Variants in HM13 observed in about 807,000 individuals in gnomAD.
HM13 encodes the protein signal peptide peptidase.
In HM13, 18 loss-of-function variants were observed where a neutral mutation model predicts 50.0. That is an observed-to-expected ratio of 0.36 (90% confidence interval 0.25 to 0.53). The LOEUF is 0.53. HM13 is among the 20% of genes least tolerant of loss of function. The pLI is 0.90. For synonymous variants in HM13, 197 were observed against 232.6 expected, an observed-to-expected ratio of 0.85 and a Z score of 1.39; for missense variants, 393 against 552.4, an observed-to-expected ratio of 0.71 and a Z score of 2.89.
At chr20:31,545,059 G>A (rs1983635564) in intron 4 of HM13, 24 bp downstream of exon 4, 2 of 1,577,234 alleles carry the variant, frequency 1.3e-6, no homozygotes, top group Non-Finnish European at 1.7e-6. Context: ...ACTTTCCCCT[G>A]TAGTGTGCCT....
chr20:31,518,043 T>C (rs1321153097), intron 1 of HM13, among the ~76,000 whole-genome samples: 1 of 151,856 alleles, frequency 6.6e-6, no homozygotes, highest in East Asian at 1.9e-4. Context: ...CTTGATTTTT[T>C]TTTTTTTTTG....
At chr20:31,534,824 G>T (rs551302991) in intron 2 of HM13, among the ~76,000 whole-genome samples, 2 of 152,088 alleles carry the variant, frequency 1.3e-5, no homozygotes, top group African/African-American at 4.8e-5. Context: ...AGTGGCTCAC[G>T]CCTGTAATCC....
intron 10 of HM13, 169 bp from the exon 11 acceptor site, chr20:31,566,041 C>T (rs1290940460): frequency 2.4e-5 from 12 of 507,094 alleles, no homozygotes; most frequent in Non-Finnish European, 4.2e-5. Context: ...GAGGAGCAAC[C>T]CTTGTCTGGG....
intron 12 of HM13, 52 bp downstream of exon 12, chr20:31,568,276 C>A: frequency 6.3e-7 from 1 of 1,595,498 alleles, no homozygotes; most frequent in South Asian, 1.1e-5. Context: ...GCCCCGGGGC[C>A]CAAGGTAGGG....
intron 4 of HM13, chr20:31,547,649 C>G (rs965303659): frequency 1.3e-6 from 2 of 1,567,520 alleles, no homozygotes; most frequent in South Asian, 2.4e-5. Context: ...AAGAAAGATC[C>G]TGTCAAAATA....
Position 31,514,776 on chromosome 20 carries a change from C to T in HM13, c.183+42C>T, listed in dbSNP as rs1177875965. 2 of 1,469,508 alleles carry T rather than the reference C, an allele frequency of 1.4e-6. No individual in the cohort carries two copies. Among genetic ancestry groups the T allele is most frequent in the East Asian group, 5.0e-5 (2 of 39,722 alleles). The allele number at this position is 1,469,508 out of a possible 1,614,324, so 91.0% of individuals were successfully genotyped here. On this transcript the variant is annotated intron_variant, in intron 1 of 12. Transcript: ENST00000398174. The surrounding 1 kb of genome is among the most constrained non-coding windows in gnomAD (Gnocchi z 4.3). ...AACCGGGCACTTTCCACCCCCATACCGAACACGGCCGACATGGACCCTTCC... is the reference window on the plus strand; with the variant it reads ...AACCGGGCACTTTCCACCCCCATACTGAACACGGCCGACATGGACCCTTCC...
intron 9 of HM13, 46 bp downstream of exon 9, chr20:31,559,693 C>T (rs775891293): frequency 8.8e-6 from 14 of 1,594,584 alleles, no homozygotes; most frequent in African/African-American, 1.3e-5. Flanking sequence ...TCCAGGGATT[C>T]TCCAGTGGCC....
chr20:31,555,845 C>T (rs1007439734), intron 8 of HM13, among the ~76,000 whole-genome samples: 11 of 151,484 alleles, frequency 7.3e-5, no homozygotes, highest in African/African-American at 2.7e-4. Flanking sequence ...TGGCTCATGC[C>T]TGTAGTCCCA....
At chr20:31,560,957 C>A (rs1308101685) in intron 9 of HM13, among the ~76,000 whole-genome samples, 1 of 152,190 alleles carries the variant, frequency 6.6e-6, no homozygotes, top group Non-Finnish European at 1.5e-5. Flanking sequence ...GCAGAGGTTA[C>A]GGAGCTGGCA....
intron 4 of HM13, 45 bp from the exon 5 acceptor site, chr20:31,548,984 G>A (rs751076888): frequency 1.9e-6 from 3 of 1,540,108 alleles, no homozygotes; most frequent in African/African-American, 2.7e-5. Flanking sequence ...GGTGGGAGGG[G>A]TAGCCCTGCC....
intron 2 of HM13, among the ~76,000 whole-genome samples, chr20:31,532,075 A>T (rs1982850532): frequency 6.6e-6 from 1 of 152,172 alleles, no homozygotes; most frequent in African/African-American, 2.4e-5. Flanking sequence ...GAGTGCACTA[A>T]ATAACATTGG....
chr20:31,559,552 T>C, intron 8 of HM13, 59 bp from the exon 9 acceptor site: 1 of 1,561,028 alleles, frequency 6.4e-7, no homozygotes, highest in Admixed American at 1.7e-5. Flanking sequence ...CCCAGTCTCC[T>C]GTTAGTTCAC....
chr20:31,568,260 C>A, intron 12 of HM13, 36 bp downstream of exon 12: 1 of 1,604,410 alleles, frequency 6.2e-7, no homozygotes. Flanking sequence ...CCCGCTTCCC[C>A]CTACTGCCCC....
chr20:31,521,451 C>T (rs1197872148), intron 1 of HM13, among the ~76,000 whole-genome samples: 2 of 152,130 alleles, frequency 1.3e-5, no homozygotes, highest in Admixed American at 6.6e-5. Flanking sequence ...GCTGGCCAGG[C>T]GTGATGGCTC....
intron 2 of HM13, 190 bp downstream of exon 2, chr20:31,527,772 C>T (rs769352848): frequency 2.0e-5 from 11 of 539,294 alleles, no homozygotes; most frequent in South Asian, 1.0e-4. Flanking sequence ...CTCACTAGTC[C>T]GTATTTCTTT....
intron 1 of HM13, among the ~76,000 whole-genome samples, chr20:31,518,556 G>C (rs1981944212): frequency 6.6e-6 from 1 of 151,668 alleles, no homozygotes; most frequent in Non-Finnish European, 1.5e-5. Flanking sequence ...TGAGGCACAA[G>C]AATCGCTTGA....
rs749269873 is a variant in HM13 at position 31,537,008 on chromosome 20, C to T, written c.283-1171C>T. ...CTGGTGTCTAGGACAATGCCTTGCACGTAGTAGGCAATCAATCAGTATGGG... is the reference window on the plus strand; with the variant it reads ...CTGGTGTCTAGGACAATGCCTTGCATGTAGTAGGCAATCAATCAGTATGGG... On this transcript the variant is annotated intron_variant, in intron 2 of 12. Transcript: ENST00000398174. Among the ~76,000 whole-genome samples the T allele has an allele frequency of 5.9e-5, 9 of 152,172 alleles. 1 individual carries two copies. The South Asian group carries it at 8.3e-4, about 14-fold the overall frequency.
chr20:31,549,969 C>G (rs2122626611), intron 6 of HM13, 95 bp from the exon 7 acceptor site: 1 of 921,384 alleles, frequency 1.1e-6, no homozygotes, highest in Non-Finnish European at 1.8e-6. Flanking sequence ...CCCCTCAGAT[C>G]CCAGGCAGCA....
intron 10 of HM13, among the ~76,000 whole-genome samples, chr20:31,565,192 CTT>C (rs1382857494): frequency 1.3e-5 from 2 of 149,134 alleles, no homozygotes; most frequent in African/African-American, 5.0e-5. Context: ...GAAAGAAACT[CTT>C]TGGGCTGGGC....
Sources: allele counts gnomAD v4.1 joint callset (sites outside exome capture counted in the v4.1 genomes callset), GRCh38; gene constraint gnomAD v4.1.1; non-coding constraint Gnocchi (gnomAD v3.1); transcripts MANE v1.5; gene names NCBI Gene and HGNC (gene_info 2026-07-23, HGNC 2026-07-21).